Variants in STK31 observed in about 807,000 individuals in gnomAD.
The protein encoded by STK31 is serine/threonine kinase 31.
A neutral mutation model predicts 129.7 loss-of-function variants in STK31; 89 were observed. The observed-to-expected ratio is 0.69, with a 90% CI of 0.58 to 0.82. STK31 has a LOEUF of 0.82. Among genes scored for constraint, STK31 ranks in the 40% least tolerant of loss-of-function variants. The probability of loss-of-function intolerance (pLI) is 0.00; values close to 1 mark genes in which losing one functional copy is unlikely to be tolerated. For synonymous variants in STK31, 448 were observed against 395.3 expected (o/e 1.13, Z -1.58); for missense variants, 1,187 against 1,176.4 (o/e 1.01, Z -0.13).
chr7:23,783,429 C>T (rs1352554478), intron 16 of STK31, among the ~76,000 whole-genome samples, 154 bp from the exon 17 acceptor site: 1 of 152,134 alleles, frequency 6.6e-6, no homozygotes, highest in East Asian at 1.9e-4. Flanking sequence ...GTGGTTTTCA[C>T]TTGTTATTTC....
At chr7:23,823,102 G>GTA (rs1267587268) in intron 23 of STK31, among the ~76,000 whole-genome samples, 8 of 152,168 alleles carry the variant, frequency 5.3e-5, no homozygotes, top group African/African-American at 1.9e-4. Context: ...AATCATTTGG[G>GTA]TATATACCCA....
At chr7:23,769,860 A>G in intron 13 of STK31, 104 bp downstream of exon 13, 3 of 715,834 alleles carry the variant, frequency 4.2e-6, no homozygotes, top group Non-Finnish European at 7.0e-6. Flanking sequence ...GCTAGTTAGA[A>G]AGTATTAAGA....
chr7:23,715,578 C>CCAAA (rs3033247), intron 3 of STK31, among the ~76,000 whole-genome samples: 40,086 of 151,354 alleles, frequency 0.26, 5,706 homozygotes, highest in East Asian at 0.4. Context: ...TGAGATTGCA[C>CCAAA]CAAACAAACA....
intron 23 of STK31, among the ~76,000 whole-genome samples, chr7:23,822,312 A>C (rs1793831980): frequency 6.6e-6 from 1 of 151,956 alleles, no homozygotes; most frequent in Admixed American, 6.6e-5. Flanking sequence ...AGTTTCTTTC[A>C]TCAGTGTTTT....
chr7:23,791,762 A>G (rs1264415591), intron 22 of STK31, among the ~76,000 whole-genome samples: 3 of 152,236 alleles, frequency 2.0e-5, no homozygotes, highest in Non-Finnish European at 4.4e-5. Context: ...TCCTTGTTAG[A>G]AAAACAAGAG....
At chr7:23,791,400 C>A in intron 22 of STK31, 1 of 652,596 alleles carries the variant, frequency 1.5e-6, no homozygotes, top group Non-Finnish European at 1.9e-6. Context: ...CATGTTCTCA[C>A]TTATAAGTGG....
intron 23 of STK31, 103 bp downstream of exon 23, chr7:23,815,315 T>C (rs1584492206): frequency 4.9e-6 from 4 of 813,398 alleles, no homozygotes; most frequent in Non-Finnish European, 5.5e-6. Context: ...GAATCCAAAT[T>C]AACATTTGCA....
At chr7:23,794,461 T>A (rs920538577) in intron 22 of STK31, among the ~76,000 whole-genome samples, 1 of 152,150 alleles carries the variant, frequency 6.6e-6, no homozygotes, top group African/African-American at 2.4e-5. Flanking sequence ...TGTCTTTTAT[T>A]AGTGGTGTGA....
At chr7:23,733,836 G>A (rs967588732) in intron 6 of STK31, among the ~76,000 whole-genome samples, 1 of 151,814 alleles carries the variant, frequency 6.6e-6, no homozygotes, top group Non-Finnish European at 1.5e-5. Context: ...AAAAAAATGT[G>A]TCCCAATGAA....
chr7:23,830,094 C>T (rs78118635), intron 23 of STK31, among the ~76,000 whole-genome samples: 4,341 of 151,738 alleles, frequency 0.029, 128 homozygotes, highest in East Asian at 0.12. Context: ...GGACTACAGG[C>T]GCCCGCCACA....
chr7:23,738,820 G>A (rs1584359462), intron 8 of STK31, among the ~76,000 whole-genome samples: 7 of 152,070 alleles, frequency 4.6e-5, no homozygotes, highest in Admixed American at 4.6e-4. Context: ...CAAAGTGCTG[G>A]GATTACAGGC....
At chr7:23,761,269 A>C (rs1789444622) in intron 10 of STK31, among the ~76,000 whole-genome samples, 1 of 152,166 alleles carries the variant, frequency 6.6e-6, no homozygotes, top group Non-Finnish European at 1.5e-5. Flanking sequence ...GATAGATGGA[A>C]GTGTAGATTA....
At chr7:23,739,486 C>T (rs1787925035) in intron 8 of STK31, among the ~76,000 whole-genome samples, 1 of 152,142 alleles carries the variant, frequency 6.6e-6, no homozygotes, top group Admixed American at 6.6e-5. Context: ...AATTAGATCC[C>T]ATTTGTCTAT....
chr7:23,769,066 A>T lies in STK31; in HGVS notation c.1488A>T (p.Lys496Asn). The change falls in exon 12 of 24, where the codon AAA becomes AAT. Residue 496 changes from lysine to asparagine, a missense_variant. By Grantham distance (94) the Lys-to-Asn change is moderately conservative. Coordinates refer to ENST00000355870, the MANE Select transcript of STK31 (RefSeq NM_031414.5). ...GAGCAAATTCTGATGAAATACTTAA[A>T]AAATTTTATGACTGGAAGTGTGATA... Reference protein sequence around the residue: ...KEGANSDEILKKFYDWKCDKR... With the variant: ...KEGANSDEILNKFYDWKCDKR... The T allele has an allele frequency of 6.2e-7, 1 of 1,613,390 alleles. No homozygotes were observed. The highest frequency in any genetic ancestry group is 2.2e-5 in the East Asian group (1 of 44,870).
chr7:23,795,859 G>C (rs1562609638), intron 22 of STK31, among the ~76,000 whole-genome samples: 1 of 152,210 alleles, frequency 6.6e-6, no homozygotes, highest in Admixed American at 6.5e-5. Flanking sequence ...ATTTGGAACA[G>C]GTGTATTTAC....
At chr7:23,780,752 C>A (rs1790873560) in intron 15 of STK31, among the ~76,000 whole-genome samples, 1 of 152,270 alleles carries the variant, frequency 6.6e-6, no homozygotes, top group South Asian at 2.1e-4. Context: ...TAAAATTCAA[C>A]AGAACTGTTT....
chr7:23,823,185 A>G (rs1041011486), intron 23 of STK31, among the ~76,000 whole-genome samples: 3 of 152,180 alleles, frequency 2.0e-5, no homozygotes, highest in African/African-American at 4.8e-5. Flanking sequence ...GACTTCCACA[A>G]TGGTTGAACT....
At chr7:23,754,579 G>A (rs1788937937) in intron 10 of STK31, 105 bp downstream of exon 10, 1 of 1,293,444 alleles carries the variant, frequency 7.7e-7, no homozygotes, top group East Asian at 2.4e-5. Context: ...TGCAGAATGT[G>A]CAGATTTGTT....
intron 8 of STK31, among the ~76,000 whole-genome samples, chr7:23,745,835 C>T (rs1269811390): frequency 6.6e-6 from 1 of 151,916 alleles, no homozygotes; most frequent in African/African-American, 2.4e-5. Flanking sequence ...GCATGGTTGC[C>T]CTTCTTGGGC....
Sources: allele counts gnomAD v4.1 joint callset (sites outside exome capture counted in the v4.1 genomes callset), GRCh38; gene constraint gnomAD v4.1.1; transcripts MANE v1.5; gene names NCBI Gene and HGNC (gene_info 2026-07-23, HGNC 2026-07-21).